NOL4: variants seen among roughly 807,000 people sequenced by gnomAD.
The protein encoded by NOL4 is cancer/testis antigen 125.
In NOL4, 17 loss-of-function variants were observed where a neutral mutation model predicts 75.9. The ratio of observed to expected loss-of-function variants is 0.22; its 90% confidence interval spans 0.15 to 0.34. NOL4 has a LOEUF of 0.34. Among genes scored for constraint, NOL4 ranks in the 10% least tolerant of loss-of-function variants. The pLI is 1.00. For missense variants in NOL4, 614 were observed against 793.5 expected (o/e 0.77, Z 2.72); for synonymous variants, 292 against 289.9 (o/e 1.01, Z -0.07).
chr18:34,014,842 T>C (rs527572506), intron 6 of NOL4, among the ~76,000 whole-genome samples: 7 of 152,080 alleles, frequency 4.6e-5, no homozygotes, highest in Non-Finnish European at 1.0e-4. Flanking sequence ...AATCAGTAAA[T>C]GACATAGTCC....
chr18:33,876,706 C>T (rs766171377), intron 10 of NOL4, among the ~76,000 whole-genome samples: 1 of 151,902 alleles, frequency 6.6e-6, no homozygotes, highest in Non-Finnish European at 1.5e-5. Context: ...TTGGAATTCC[C>T]AGAATTTATG....
At chr18:34,139,100 T>G (rs2081026095) in intron 1 of NOL4, among the ~76,000 whole-genome samples, 2 of 152,246 alleles carry the variant, frequency 1.3e-5, no homozygotes, top group Non-Finnish European at 2.9e-5. Flanking sequence ...TGAGGATTTT[T>G]GCATCGATGT....
At chr18:34,148,719 C>T (rs1485140493) in intron 1 of NOL4, among the ~76,000 whole-genome samples, 16 of 151,894 alleles carry the variant, frequency 1.1e-4, no homozygotes, top group Admixed American at 1.1e-3. Context: ...CTGTAGATGT[C>T]TATTAGGTCT....
chr18:34,098,620 G>GT (rs1383105434), intron 4 of NOL4, among the ~76,000 whole-genome samples: 1 of 152,096 alleles, frequency 6.6e-6, no homozygotes, highest in East Asian at 1.9e-4. Flanking sequence ...AGTTTTAGGG[G>GT]TGGTACATAG....
Position 34,011,042 on chromosome 18 carries a change from G to A in NOL4, c.1056+8276C>T, listed in dbSNP as rs530017593. On this transcript the variant is annotated intron_variant, in intron 6 of 10. Transcript: ENST00000261592. The stretch of plus-strand genomic sequence containing the variant: ...CTTATAGCACAACAGGGTGGCTACA[G>A]TTAATAATAATTTATTACATATTTT... Among the ~76,000 whole-genome samples, 7 of 151,708 alleles carry A rather than the reference G, an allele frequency of 4.6e-5. No individual in the cohort carries two copies. The South Asian group carries it at 1.2e-3, about 27-fold the overall frequency.
At chr18:34,045,254 A>G (rs576827433) in intron 5 of NOL4, among the ~76,000 whole-genome samples, 2 of 152,222 alleles carry the variant, frequency 1.3e-5, no homozygotes, top group East Asian at 3.9e-4. Context: ...TAAATTAATA[A>G]ATGAAATTCC....
At chr18:33,875,215 A>T (rs1025439421) in intron 10 of NOL4, among the ~76,000 whole-genome samples, 1 of 152,050 alleles carries the variant, frequency 6.6e-6, no homozygotes, top group Non-Finnish European at 1.5e-5. Context: ...AGACAGCTCA[A>T]TGTGAACTTC....
At chr18:34,162,897 C>A (rs950184330) in intron 1 of NOL4, among the ~76,000 whole-genome samples, 1 of 152,192 alleles carries the variant, frequency 6.6e-6, no homozygotes, top group Non-Finnish European at 1.5e-5. Context: ...CCACCATGAT[C>A]AAGTGGGCTT....
intron 5 of NOL4, among the ~76,000 whole-genome samples, chr18:34,056,729 T>C (rs1045545119): frequency 8.5e-5 from 13 of 152,170 alleles, no homozygotes; most frequent in Non-Finnish European, 1.9e-4. Flanking sequence ...CAAAATTCTC[T>C]GAACTTTACT....
At chr18:34,207,543 G>T (rs2036208269) in intron 1 of NOL4, among the ~76,000 whole-genome samples, 1 of 152,112 alleles carries the variant, frequency 6.6e-6, no homozygotes, top group Non-Finnish European at 1.5e-5. Context: ...ACTTTGCCAT[G>T]GTGCTTTGCA....
intron 5 of NOL4, among the ~76,000 whole-genome samples, chr18:34,069,106 AAT>A (rs920434907): frequency 8.5e-5 from 13 of 152,318 alleles, no homozygotes; most frequent in African/African-American, 2.9e-4. Context: ...TGGGCTTTAA[AAT>A]AACCATTATT....
rs545865790 is a variant in NOL4, at chr18:33,882,383, A to G, written c.1723+861T>C. The stretch of plus-strand genomic sequence containing the variant: ...AGAAAAAAACAAACAACCCCACCAA[A>G]AAGTGGGTGAAGGACATGAACAGAC... On this transcript the variant is annotated intron_variant, in intron 10 of 10. Coordinates refer to ENST00000261592, the MANE Select transcript of NOL4 (RefSeq NM_003787.5). 3.3e-5 allele frequency among the ~76,000 whole-genome samples: 5 copies of G among 152,300 alleles called. No individual in the cohort carries two copies. The East Asian group carries it at 9.6e-4, about 29-fold the overall frequency.
intron 1 of NOL4, among the ~76,000 whole-genome samples, chr18:34,202,040 A>G (rs887966440): frequency 2.0e-5 from 3 of 151,888 alleles, no homozygotes; most frequent in African/African-American, 4.8e-5. Flanking sequence ...AAAATGTTAA[A>G]CAATCTCATT....
chr18:34,132,042 T>C (rs915909496), intron 1 of NOL4, among the ~76,000 whole-genome samples: 12 of 152,236 alleles, frequency 7.9e-5, no homozygotes, highest in African/African-American at 2.9e-4. Flanking sequence ...AGAGCTATAC[T>C]CTTTCTGGAA....
At chr18:33,920,166 A>AGAGAGAGGGAAG (rs1568063485) in intron 9 of NOL4, among the ~76,000 whole-genome samples, 1 of 152,086 alleles carries the variant, frequency 6.6e-6, no homozygotes, top group East Asian at 1.9e-4. Context: ...TGAGGGACAT[A>AGAGAGAGGGAAG]GAGAGAGGGA....
rs1437820736 is a variant in NOL4, at chr18:34,146,091, G to A, written c.265-16071C>T. 3.9e-5 allele frequency among the ~76,000 whole-genome samples: 6 copies of A among 152,014 alleles called. No homozygotes were observed. The Admixed American group carries it at 3.9e-4, about 10-fold the overall frequency. ...GATGCTGGCTAAGTGAGCTTTACTT[G>A]TTGGATATTGTCTTCCAAGGGACTT... On this transcript the variant is annotated intron_variant, in intron 1 of 10. Coordinates refer to ENST00000261592, the MANE Select transcript of NOL4 (RefSeq NM_003787.5).
In NOL4 at chr18:34,024,197, ATATATAT is replaced by A. The variant is rs2075227715; in HGVS notation, c.773-4603_773-4597del. ...AATAAACAGGAAAAAAAAAAAAAAT[ATATATAT>A]ATATATATATAAAATCCTCATTTTA... On this transcript the variant is annotated intron_variant, in intron 5 of 10. Transcript: ENST00000261592. 7.9e-5 allele frequency among the ~76,000 whole-genome samples: 8 copies of A among 100,800 alleles called. 1 individual carries two copies. Among genetic ancestry groups the A allele is most frequent in the African/African-American group, 2.6e-4 (7 of 26,808 alleles). The allele number at this position is 100,800 out of a possible 152,430, so 66.1% of individuals were successfully genotyped here.
intron 1 of NOL4, among the ~76,000 whole-genome samples, chr18:34,176,313 A>G (rs541768043): frequency 1.3e-5 from 2 of 152,210 alleles, no homozygotes; most frequent in South Asian, 4.2e-4. Context: ...AAGAAAAGTG[A>G]ACAGAACCTT....
intron 9 of NOL4, among the ~76,000 whole-genome samples, chr18:33,922,661 A>T (rs962663734): frequency 1.3e-5 from 2 of 152,160 alleles, no homozygotes; most frequent in Non-Finnish European, 2.9e-5. Context: ...CATATTACAT[A>T]TGGATTTAGA....
Sources: gnomAD v4.1 joint callset for allele counts (sites outside exome capture counted in the v4.1 genomes callset) on GRCh38, gnomAD v4.1.1 for gene constraint, MANE v1.5 for transcripts, NCBI Gene and HGNC (gene_info 2026-07-23, HGNC 2026-07-21) for gene names.